The following TMEM116 variants were observed in gnomAD, a reference collection of about 807,000 sequenced individuals.
TMEM116 encodes the protein transmembrane protein 116.
A neutral mutation model predicts 44.3 loss-of-function variants in TMEM116; 38 were observed. The observed-to-expected ratio is 0.86, with a 90% CI of 0.66 to 1.12. The LOEUF (loss-of-function observed/expected upper bound fraction) is 1.12, where lower values mean the gene tolerates loss of function less well. Ranked by LOEUF, TMEM116 falls within the 50% of genes most tolerant of loss-of-function variation. The pLI, the probability that TMEM116 is intolerant of heterozygous loss-of-function variation, is 0.00. For synonymous variants in TMEM116, 132 were observed against 144.8 expected (o/e 0.91, Z 0.64); for missense variants, 354 against 401.7 (o/e 0.88, Z 1.01).
intron 4 of TMEM116, among the ~76,000 whole-genome samples, chr12:111,950,359 C>T (rs1234430564): frequency 1.3e-5 from 2 of 151,848 alleles, no homozygotes; most frequent in Non-Finnish European, 2.9e-5. Flanking sequence ...GAGACTCTTG[C>T]CTCTTAATTT....
At chr12:111,942,091 A>T (rs1250701029) in intron 5 of TMEM116, among the ~76,000 whole-genome samples, 1 of 151,912 alleles carries the variant, frequency 6.6e-6, no homozygotes, top group African/African-American at 2.4e-5. Flanking sequence ...GGCATGCGCC[A>T]CCATGCCTGG....
At chr12:111,951,822 T>C (rs1294171557) in intron 4 of TMEM116, among the ~76,000 whole-genome samples, 2 of 149,514 alleles carry the variant, frequency 1.3e-5, no homozygotes, top group African/African-American at 2.5e-5. Flanking sequence ...AAATAAGAGT[T>C]AAAAAAAAAG....
chr12:112,005,753 A>C (rs2077544921), intron 1 of TMEM116: 2 of 969,692 alleles, frequency 2.1e-6, no homozygotes, highest in South Asian at 4.8e-5. Context: ...GAATACAGAG[A>C]TGTGTGGAAA....
chr12:111,971,498 T>TA lies in TMEM116; in HGVS notation c.210+20259dup, dbSNP rs79281964. On this transcript the variant is annotated intron_variant, in intron 4 of 10. Transcript: ENST00000552374. The stretch of plus-strand genomic sequence containing the variant: ...AAACCCTGTAACACAACCAGTAACT[T>TA]AAAAAAAAAAAAACTAAAAAATTTT... Among the ~76,000 whole-genome samples the TA allele has an allele frequency of 4.3e-3, 570 of 134,068 alleles. 5 individuals carry two copies. The highest frequency in any genetic ancestry group is 0.011 in the African/African-American group (398 of 37,330). 88.0% of individuals were successfully genotyped at this position (134,068 alleles called of 152,430 possible).
intron 4 of TMEM116, among the ~76,000 whole-genome samples, chr12:111,958,422 A>G (rs2074325652): frequency 6.6e-6 from 1 of 152,050 alleles, no homozygotes; most frequent in South Asian, 2.1e-4. Flanking sequence ...AATTCCAAAA[A>G]CCAAAACACC....
intron 4 of TMEM116, among the ~76,000 whole-genome samples, chr12:111,955,121 C>T (rs1032544657): frequency 1.3e-5 from 2 of 152,176 alleles, no homozygotes; most frequent in Non-Finnish European, 2.9e-5. Context: ...GGCTTTTAAT[C>T]ATCTGCCCAC....
Position 111,937,634 on chromosome 12 carries a change from G to T in TMEM116, c.366-391C>A, listed in dbSNP as rs2072268934. 2.0e-5 allele frequency among the ~76,000 whole-genome samples: 3 copies of T among 152,000 alleles called. 1 individual carries two copies. In the South Asian group the frequency reaches 6.2e-4, roughly 32 times the overall value. On this transcript the variant is annotated intron_variant, in intron 6 of 10. Coordinates refer to ENST00000552374, the MANE Select transcript of TMEM116 (RefSeq NM_001193531.2). ...TCTCATTCTCATCAGCCCCTTCTTG[G>T]GAGCTTTTCCAAAGTGTAGCTTTAA... is the stretch of plus-strand genomic sequence containing the variant.
At chr12:111,946,658 T>C (rs1027021068) in intron 4 of TMEM116, among the ~76,000 whole-genome samples, 2 of 152,224 alleles carry the variant, frequency 1.3e-5, no homozygotes, top group Non-Finnish European at 2.9e-5. Context: ...AGAGATTTTG[T>C]TTATGGCCAG....
intron 4 of TMEM116, among the ~76,000 whole-genome samples, chr12:111,966,930 T>C (rs1429543098): frequency 3.9e-5 from 6 of 152,172 alleles, no homozygotes; most frequent in African/African-American, 1.4e-4. Flanking sequence ...TTATTCCTAA[T>C]CAAACAGATC....
chr12:111,985,242 A>G (rs2136561471), intron 4 of TMEM116, among the ~76,000 whole-genome samples: 1 of 151,770 alleles, frequency 6.6e-6, no homozygotes, highest in East Asian at 2.0e-4. Flanking sequence ...TTGTTTGCAG[A>G]TAACACGATC....
At chr12:111,993,402 G>A (rs541511546) in intron 3 of TMEM116, 2 of 548,444 alleles carry the variant, frequency 3.6e-6, no homozygotes, top group Admixed American at 1.9e-5. Context: ...CTGCAAGTTT[G>A]GCTTTTATGA....
intron 3 of TMEM116, among the ~76,000 whole-genome samples, chr12:111,997,535 G>C (rs1271712127): frequency 6.6e-6 from 1 of 151,928 alleles, no homozygotes; most frequent in Non-Finnish European, 1.5e-5. Context: ...GGCCTGAGTG[G>C]CACAGCAAAA....
chr12:111,947,652 A>C (rs966462817), intron 4 of TMEM116, among the ~76,000 whole-genome samples: 1 of 152,212 alleles, frequency 6.6e-6, no homozygotes, highest in Non-Finnish European at 1.5e-5. Context: ...CAGATTTTAC[A>C]TGGTTATTCA....
chr12:111,953,461 G>A (rs555728458), intron 4 of TMEM116, among the ~76,000 whole-genome samples: 7 of 152,200 alleles, frequency 4.6e-5, no homozygotes, highest in Non-Finnish European at 7.3e-5. Flanking sequence ...TCAAATCCCT[G>A]ACAAATGGAG....
At chr12:111,988,754 G>A (rs1320064613) in intron 4 of TMEM116, among the ~76,000 whole-genome samples, 1 of 151,938 alleles carries the variant, frequency 6.6e-6, no homozygotes, top group East Asian at 1.9e-4. Flanking sequence ...CACTTTGGGA[G>A]GCCGAGGTGG....
At chr12:111,943,113 TG>T in intron 5 of TMEM116, 151 bp downstream of exon 5, 1 of 658,190 alleles carries the variant, frequency 1.5e-6, no homozygotes, top group Non-Finnish European at 2.7e-6. Context: ...TTTGTAGAGA[TG>T]GGCTTTCACC....
intron 4 of TMEM116, among the ~76,000 whole-genome samples, chr12:111,961,084 T>G (rs1291611702): frequency 6.6e-6 from 1 of 152,162 alleles, no homozygotes; most frequent in Non-Finnish European, 1.5e-5. Flanking sequence ...AAGAAATGGA[T>G]AAATTCTTGG....
chr12:111,946,053 C>A (rs2073245926), intron 4 of TMEM116, among the ~76,000 whole-genome samples: 1 of 152,224 alleles, frequency 6.6e-6, no homozygotes, highest in Non-Finnish European at 1.5e-5. Flanking sequence ...AAATTTTCAA[C>A]CATCTCCTAA....
At chr12:111,978,970 T>A (rs1005206271) in intron 4 of TMEM116, among the ~76,000 whole-genome samples, 4 of 152,160 alleles carry the variant, frequency 2.6e-5, no homozygotes, top group African/African-American at 9.7e-5. Context: ...TAGACATCCA[T>A]ATGCAAAAAT....
Sources: gnomAD v4.1 joint callset for allele counts (sites outside exome capture counted in the v4.1 genomes callset) on GRCh38, gnomAD v4.1.1 for gene constraint, MANE v1.5 for transcripts, NCBI Gene and HGNC (gene_info 2026-07-23, HGNC 2026-07-21) for gene names.